Variants in VAV3 observed in about 807,000 individuals in gnomAD.
VAV3 encodes the protein guanine nucleotide exchange factor VAV3.
In VAV3, 94 loss-of-function variants were observed where a neutral mutation model predicts 131.2. The ratio of observed to expected loss-of-function variants is 0.72; its 90% CI spans 0.61 to 0.85. The LOEUF (loss-of-function observed/expected upper bound fraction) is 0.85, where lower values mean the gene tolerates loss of function less well. VAV3 is among the 40% of genes least tolerant of loss of function. The pLI is 0.00. For synonymous variants in VAV3, 349 were observed against 342.0 expected (o/e 1.02, Z -0.22); for missense variants, 939 against 1,002.7 (o/e 0.94, Z 0.86).
At chr1:107,723,967 T>G (rs1373054062) in intron 15 of VAV3, among the ~76,000 whole-genome samples, 1 of 152,164 alleles carries the variant, frequency 6.6e-6, no homozygotes, top group Non-Finnish European at 1.5e-5. Context: ...GTCTCCATTT[T>G]TTTCATTTCT....
intron 20 of VAV3, among the ~76,000 whole-genome samples, chr1:107,618,709 T>C (rs1197992841): frequency 6.6e-6 from 1 of 152,166 alleles, no homozygotes; most frequent in Non-Finnish European, 1.5e-5. Context: ...AATCTGCCCA[T>C]GGTCACAGAG....
At chr1:107,925,359 A>T (rs911850949) in intron 1 of VAV3, among the ~76,000 whole-genome samples, 1 of 152,206 alleles carries the variant, frequency 6.6e-6, no homozygotes, top group African/African-American at 2.4e-5. Context: ...CTTTAATTTA[A>T]AAGTTGAATT....
intron 2 of VAV3, among the ~76,000 whole-genome samples, 187 bp from the exon 3 acceptor site, chr1:107,779,679 ATTAC>A (rs917634783): frequency 3.3e-5 from 5 of 152,164 alleles, no homozygotes; most frequent in African/African-American, 7.2e-5. Context: ...TTTTATAATT[ATTAC>A]TTAAAGTAAT....
chr1:107,779,376 A>G, intron 3 of VAV3, 58 bp downstream of exon 3: 1 of 1,455,102 alleles, frequency 6.9e-7, no homozygotes, highest in South Asian at 1.4e-5. Context: ...TAACCATTTA[A>G]TAAAGAATCA....
intron 15 of VAV3, among the ~76,000 whole-genome samples, chr1:107,707,089 G>A (rs141082361): frequency 2.0e-5 from 3 of 152,172 alleles, no homozygotes; most frequent in Non-Finnish European, 4.4e-5. Context: ...GATGAAAAAG[G>A]TTCTGAAAAT....
chr1:107,743,862 T>G (rs936712557), intron 15 of VAV3, among the ~76,000 whole-genome samples: 1 of 152,256 alleles, frequency 6.6e-6, no homozygotes, highest in Non-Finnish European at 1.5e-5. Context: ...TTGGAAACAC[T>G]GTTCTATTTG....
At chr1:107,788,252 C>T (rs1285461185) in intron 2 of VAV3, among the ~76,000 whole-genome samples, 1 of 151,988 alleles carries the variant, frequency 6.6e-6, no homozygotes, top group Non-Finnish European at 1.5e-5. Context: ...CCACCATTAC[C>T]ACCATGCCAG....
chr1:107,597,443 G>A lies in VAV3; in HGVS notation c.2221-1102C>T, dbSNP rs185071742. 2.0e-5 allele frequency among the ~76,000 whole-genome samples: 3 copies of A among 152,270 alleles called. No individual in the cohort carries two copies. In the East Asian group the frequency reaches 5.8e-4, roughly 29 times the overall value. On this transcript the variant is annotated intron_variant, in intron 24 of 26. Transcript: ENST00000370056. ...AATGCACTGTACCAGGAGCTTCAGAGGTCACAGAGATTATAAAGATAAGCC... is the reference window on the plus strand; with the variant it reads ...AATGCACTGTACCAGGAGCTTCAGAAGTCACAGAGATTATAAAGATAAGCC...
At chr1:107,637,009 G>A (rs1429365743) in intron 20 of VAV3, among the ~76,000 whole-genome samples, 3 of 151,956 alleles carry the variant, frequency 2.0e-5, no homozygotes, top group Non-Finnish European at 4.4e-5. Flanking sequence ...ATCGATGATA[G>A]GGGAAAAAAA....
At chr1:107,788,113 T>G (rs950885508) in intron 2 of VAV3, among the ~76,000 whole-genome samples, 6 of 152,180 alleles carry the variant, frequency 3.9e-5, no homozygotes, top group African/African-American at 7.2e-5. Context: ...CCCTCTCTAT[T>G]TCTTGCCTCA....
At chr1:107,888,188 T>C (rs1286827723) in intron 1 of VAV3, among the ~76,000 whole-genome samples, 1 of 152,194 alleles carries the variant, frequency 6.6e-6, no homozygotes, top group Non-Finnish European at 1.5e-5. Context: ...ATATCTTCTT[T>C]ATTGAAAGAG....
intron 2 of VAV3, among the ~76,000 whole-genome samples, chr1:107,838,328 A>C (rs965841716): frequency 3.3e-5 from 5 of 152,206 alleles, no homozygotes; most frequent in African/African-American, 1.2e-4. Flanking sequence ...AAGAGAACAC[A>C]CAAGTCTCCA....
At chr1:107,680,586 C>T (rs1658532927) in intron 19 of VAV3, among the ~76,000 whole-genome samples, 1 of 152,120 alleles carries the variant, frequency 6.6e-6, no homozygotes, top group Non-Finnish European at 1.5e-5. Flanking sequence ...CTTGCTCTGT[C>T]ACCCAGGCTG....
rs1054771699 is a variant in VAV3, at chr1:107,751,297, T to G, written c.1174-95A>C. Reference sequence around the variant, plus strand: ...ATATTTACTCAAGACAACTACCTTATTACATTAAAATGTTACCATTTTTTA... The same window carrying G: ...ATATTTACTCAAGACAACTACCTTAGTACATTAAAATGTTACCATTTTTTA... On this transcript the variant is annotated intron_variant, in intron 12 of 26. Transcript: ENST00000370056. The G allele has an allele frequency of 1.4e-5, 14 of 977,124 alleles. No homozygotes were observed. The African/African-American group carries it at 1.5e-4, about 11-fold the overall frequency. The allele number at this position is 977,124 out of a possible 1,614,324, so 60.5% of individuals were successfully genotyped here. A position where few individuals can be genotyped will look rare whatever the true frequency, so the allele number is the denominator to read the frequency against.
intron 2 of VAV3, among the ~76,000 whole-genome samples, chr1:107,832,113 GT>G (rs1668277965): frequency 1.3e-5 from 2 of 152,240 alleles, no homozygotes; most frequent in Admixed American, 1.3e-4. Context: ...AACCATGGAA[GT>G]GGCAGTGAAG....
chr1:107,950,584 T>C (rs1008846157), intron 1 of VAV3, among the ~76,000 whole-genome samples: 4 of 152,080 alleles, frequency 2.6e-5, no homozygotes, highest in Admixed American at 1.3e-4. Flanking sequence ...ACACAGACAG[T>C]AAAAGCAAGG....
chr1:107,574,984 TGTGTGTGTGCGTGC>T (rs1558059438), intron 25 of VAV3, among the ~76,000 whole-genome samples: 2 of 30,238 alleles, frequency 6.6e-5, no homozygotes, highest in African/African-American at 7.3e-5. Context: ...TGTGTGTGTG[TGTGTGTGTGCGTGC>T]GTGCGCGCGC....
rs72971543 is a variant in VAV3, at chr1:107,591,095, C to T, written c.2350+5117G>A. On this transcript the variant is annotated intron_variant, in intron 25 of 26. Transcript: ENST00000370056. ...TAATGCTTATGAACCTTCACACAAA[C>T]GACCTCTTTGCTATGCAGGTTCCCT... Among the ~76,000 whole-genome samples, 701 of 152,222 alleles carry T rather than the reference C, an allele frequency of 4.6e-3. 8 individuals carry two copies. The highest frequency in any genetic ancestry group is 0.016 in the African/African-American group (671 of 41,534).
chr1:107,616,728 G>A (rs557014229), intron 21 of VAV3, among the ~76,000 whole-genome samples: 37 of 152,216 alleles, frequency 2.4e-4, no homozygotes, highest in Admixed American at 1.2e-3. Context: ...AGCCAAGGAT[G>A]GCAGATTCTC....
Sources: gnomAD v4.1 joint callset for allele counts (sites outside exome capture counted in the v4.1 genomes callset) on GRCh38, gnomAD v4.1.1 for gene constraint, MANE v1.5 for transcripts, NCBI Gene and HGNC (gene_info 2026-07-23, HGNC 2026-07-21) for gene names.